TOR1AIP2: variants seen among roughly 807,000 people sequenced by gnomAD.
TOR1AIP2 encodes torsin-1A-interacting protein 2.
A neutral mutation model predicts 32.6 loss-of-function variants in TOR1AIP2; 20 were observed. The ratio of observed to expected loss-of-function variants is 0.61; its 90% CI spans 0.43 to 0.89. The LOEUF (loss-of-function observed/expected upper bound fraction) is 0.89. TOR1AIP2 is among the 40% of genes least tolerant of loss of function. The probability of loss-of-function intolerance (pLI) is 0.00; values close to 1 mark genes in which losing one functional copy is unlikely to be tolerated. For synonymous variants in TOR1AIP2, 214 were observed against 210.8 expected (o/e 1.02, Z -0.13); for missense variants, 456 against 553.8 (o/e 0.82, Z 1.77).
chr1:179,849,052 C>T (rs1299685), intron 5 of TOR1AIP2, among the ~76,000 whole-genome samples: 4 of 151,954 alleles, frequency 2.6e-5, no homozygotes, highest in Admixed American at 6.5e-5. Context: ...AGGAGAATGG[C>T]GTGAATCCGG....
rs1408446359 is a variant in TOR1AIP2, at chr1:179,852,824, G to A, written c.-146-13C>T. On this transcript the variant is annotated splice_polypyrimidine_tract_variant and intron_variant, in intron 3 of 6. Coordinates refer to ENST00000609928, the MANE Select transcript of TOR1AIP2 (RefSeq NM_001199260.2). ...ATATATACAGTGACTAAAACAAAAT[G>A]AAAAAAAATTAAATGACTTTTTATC... 1.4e-6 allele frequency: 2 copies of A among 1,385,956 alleles called. No individual in the cohort carries two copies. The highest frequency in any genetic ancestry group is 1.5e-5 in the African/African-American group (1 of 68,738). The allele number at this position is 1,385,956 out of a possible 1,614,324, so 85.9% of individuals were successfully genotyped here. A position where few individuals can be genotyped will look rare whatever the true frequency, so the allele number is the denominator to read the frequency against.
chr1:179,848,982 A>T (rs1007903919), intron 5 of TOR1AIP2, among the ~76,000 whole-genome samples: 2 of 151,972 alleles, frequency 1.3e-5, no homozygotes, highest in Non-Finnish European at 2.9e-5. Flanking sequence ...TACAAAAAAA[A>T]AAAATTAGTT....
intron 2 of TOR1AIP2, among the ~76,000 whole-genome samples, chr1:179,866,936 C>A (rs1696808019): frequency 6.6e-6 from 1 of 152,128 alleles, no homozygotes; most frequent in African/African-American, 2.4e-5. Flanking sequence ...GAGGGTATCA[C>A]AGAATCAGAA....
rs183753020 is a variant in TOR1AIP2, at chr1:179,863,352, A to C, written c.-147+2084T>G. On this transcript the variant is annotated intron_variant, in intron 3 of 6. Transcript: ENST00000609928. ...CTCCCTTGTAAACTGGTACTTTCTA[A>C]TGAGATGTAAGAAGAAATTTGCTAG... 98 of 985,128 alleles carry C rather than the reference A, an allele frequency of 9.9e-5. No homozygotes were observed. In the Admixed American group the frequency reaches 2.2e-3, roughly 22 times the overall value. The allele number at this position is 985,128 out of a possible 1,614,324, so 61.0% of individuals were successfully genotyped here.
intron 3 of TOR1AIP2, chr1:179,864,647 G>A (rs1696693817): frequency 6.8e-7 from 1 of 1,469,098 alleles, no homozygotes; most frequent in South Asian, 1.5e-5. Context: ...GGCCACGGAA[G>A]CAGATCCAAC....
At chr1:179,866,024 A>C (rs1696757229) in intron 2 of TOR1AIP2, among the ~76,000 whole-genome samples, 170 bp from the exon 3 acceptor site, 1 of 152,230 alleles carries the variant, frequency 6.6e-6, no homozygotes, top group South Asian at 2.1e-4. Flanking sequence ...TGTTGGCACT[A>C]GGAAGAATTC....
At chr1:179,860,114 C>T (rs1216991936) in intron 3 of TOR1AIP2, 6 of 983,940 alleles carry the variant, frequency 6.1e-6, no homozygotes, top group African/African-American at 1.7e-5. Flanking sequence ...TCCCAAAGTG[C>T]TGGAATTACA....
In TOR1AIP2 at chr1:179,876,944, TAGG is replaced by T. The variant is rs200509818; in HGVS notation, c.-566+292_-566+294del. ...CATATATAATATGTAAGCAAAATGG[TAGG>T]AGGTCTTACTAAAACTTCAACTTTG... is the stretch of plus-strand genomic sequence containing the variant. On this transcript the variant is annotated intron_variant, in intron 2 of 6. Transcript: ENST00000609928. Among the ~76,000 whole-genome samples the T allele has an allele frequency of 3.2e-3, 479 of 151,916 alleles. 8 individuals carry two copies. The highest frequency in any genetic ancestry group is 0.014 in the East Asian group (71 of 5,174).
intron 3 of TOR1AIP2, among the ~76,000 whole-genome samples, chr1:179,854,889 A>G (rs1696239755): frequency 6.6e-6 from 1 of 152,126 alleles, no homozygotes; most frequent in South Asian, 2.1e-4. Context: ...AAACAAACAA[A>G]AAACTTAAAG....
At chr1:179,874,473 A>C (rs1697120438) in intron 2 of TOR1AIP2, 1 of 152,242 alleles carries the variant, frequency 6.6e-6, no homozygotes. Flanking sequence ...TTCAAAATAT[A>C]CTGTAGTCAG....
rs1435516628 is a variant in TOR1AIP2, at chr1:179,852,671, T to G, written c.-6A>C. ...CTAAGTCCACTGTCGGCCATGTTTG[T>G]GTTCTATCTCTTCAGAGTTGGGAGG... is the stretch of plus-strand genomic sequence containing the variant. On this transcript the variant is annotated 5_prime_UTR_variant, in exon 4 of 7. Transcript: ENST00000609928. 1.5e-5 allele frequency: 25 copies of G among 1,613,984 alleles called. No individual in the cohort carries two copies. Among genetic ancestry groups the G allele is most frequent in the Non-Finnish European group, 2.1e-5 (25 of 1,179,986 alleles).
chr1:179,862,687 G>A (rs780017649), intron 3 of TOR1AIP2: 22 of 978,314 alleles, frequency 2.2e-5, no homozygotes, highest in African/African-American at 7.0e-5. Context: ...CAGCACTGTC[G>A]GAGGTCAGGG....
Position 179,852,696 on chromosome 1 carries a change from G to A in TOR1AIP2, c.-31C>T. ...TGTTCTATCTCTTCAGAGTTGGGAG[G>A]ATACTTTTTTTAGTACTTGGTTTTC... On this transcript the variant is annotated 5_prime_UTR_variant, in exon 4 of 7. Transcript: ENST00000609928. 1 of 1,613,778 alleles carries A rather than the reference G, an allele frequency of 6.2e-7. No individual in the cohort carries two copies. Among genetic ancestry groups the A allele is most frequent in the Non-Finnish European group, 8.5e-7 (1 of 1,179,820 alleles).
At chr1:179,847,267 A>T (rs1695942102) in intron 6 of TOR1AIP2, among the ~76,000 whole-genome samples, 1 of 152,226 alleles carries the variant, frequency 6.6e-6, no homozygotes, top group African/African-American at 2.4e-5. Flanking sequence ...CTAATTAGAA[A>T]GGCAGTTTTT....
intron 2 of TOR1AIP2, among the ~76,000 whole-genome samples, chr1:179,876,685 A>G (rs1225499048): frequency 1.3e-5 from 2 of 152,194 alleles, no homozygotes; most frequent in African/African-American, 4.8e-5. Context: ...CCACAGCTTA[A>G]AACAAAGAAA....
chr1:179,848,357 C>A (rs1054457967), intron 5 of TOR1AIP2, among the ~76,000 whole-genome samples: 3 of 151,978 alleles, frequency 2.0e-5, no homozygotes, highest in Non-Finnish European at 2.9e-5. Context: ...TCCTCAAGAC[C>A]CCGAATATAA....
chr1:179,855,181 G>T (rs538958021), intron 3 of TOR1AIP2, among the ~76,000 whole-genome samples: 1 of 152,062 alleles, frequency 6.6e-6, no homozygotes, highest in South Asian at 2.1e-4. Context: ...TAACTGCAAG[G>T]GTTTCTTAAA....
chr1:179,845,935 T>A lies in TOR1AIP2; in HGVS notation c.*136A>T, dbSNP rs970801651. ...AAGGAATAAAAAATAAAAACTTGTT[T>A]CTAAAATAAGCTCATCTTTGTTTTT... On this transcript the variant is annotated 3_prime_UTR_variant, in exon 7 of 7. Coordinates refer to ENST00000609928, the MANE Select transcript of TOR1AIP2 (RefSeq NM_001199260.2). 32 of 788,398 alleles carry A rather than the reference T, an allele frequency of 4.1e-5. No individual in the cohort carries two copies. The South Asian group carries it at 7.8e-4, about 19-fold the overall frequency. The allele number at this position is 788,398 out of a possible 1,614,324, so 48.8% of individuals were successfully genotyped here.
chr1:179,851,466 G>A (rs1696114790), intron 4 of TOR1AIP2, 103 bp from the exon 5 acceptor site: 2 of 925,318 alleles, frequency 2.2e-6, no homozygotes, highest in Non-Finnish European at 3.0e-6. Context: ...AGATTTTCAT[G>A]GTTTACAAGA....
Sources: allele counts gnomAD v4.1 joint callset (sites outside exome capture counted in the v4.1 genomes callset), GRCh38; gene constraint gnomAD v4.1.1; transcripts MANE v1.5; gene names NCBI Gene and HGNC (gene_info 2026-07-23, HGNC 2026-07-21).